Variants in PLEC observed in about 807,000 individuals in gnomAD.
PLEC encodes the protein hemidesmosomal protein 1.
Under a neutral mutation model 392.8 loss-of-function variants are expected in PLEC, and 216 were observed. That is an observed-to-expected ratio of 0.55 (90% CI 0.49 to 0.62). The LOEUF (loss-of-function observed/expected upper bound fraction) is 0.62, where lower values mean the gene tolerates loss of function less well. Ranked by LOEUF, PLEC falls within the 20% of genes least tolerant of loss-of-function variation. PLEC has a pLI of 0.00. For synonymous variants in PLEC, 3,621 were observed against 2,980.6 expected (o/e 1.21, Z -7.00); for missense variants, 6,863 against 6,563.4 (o/e 1.05, Z -1.58).
In PLEC at chr8:143,973,019, A is replaced by G. The variant is rs3935755; in HGVS notation, c.70+384T>C. ...TATGTGACCCATTGCCAGGCGGCGG[A>G]GCTGCCCCTGTTCCATGCAGACGCG... is the stretch of plus-strand genomic sequence containing the variant. On this transcript the variant is annotated intron_variant, in intron 1 of 31. Transcript: ENST00000356346. This position sits in a 1 kb window ranked among gnomAD's most constrained non-coding sequence, Gnocchi z 5.6. Among the ~76,000 whole-genome samples, 67,871 of 152,090 alleles carry G rather than the reference A, an allele frequency of 0.45. 16,378 individuals carry two copies. The highest frequency in any genetic ancestry group is 0.63 in the African/African-American group (26,230 of 41,510).
intron 1 of PLEC, among the ~76,000 whole-genome samples, chr8:143,963,004 G>A (rs1432939820): frequency 6.6e-6 from 1 of 152,154 alleles, no homozygotes; most frequent in East Asian, 1.9e-4. Context: ...CAGAGATGAG[G>A]TATGTGACTC....
chr8:143,939,189 T>G (rs1554726390), intron 1 of PLEC, among the ~76,000 whole-genome samples, 161 bp downstream of exon 1: 1 of 152,134 alleles, frequency 6.6e-6, no homozygotes, highest in Non-Finnish European at 1.5e-5. Context: ...CGCGGGCGCC[T>G]GTCGGCCCAC....
In PLEC at chr8:143,916,354, GGAGCCAGCGGTA is replaced by G. The variant is rs1234855589; in HGVS notation, c.13455_13466del (p.Thr4486_Ser4489del). On this transcript the variant is annotated inframe_deletion, in exon 32 of 32. Transcript: ENST00000345136. The stretch of plus-strand genomic sequence containing the variant: ...GGGAGCCGGTGCGCGAGCCGGTGCG[GGAGCCAGCGGTA>G]GAGCCGGAGCCGCTGACGCTGTAGG... The G allele has an allele frequency of 8.1e-6, 13 of 1,606,046 alleles. No homozygotes were observed. The highest frequency in any genetic ancestry group is 6.7e-5 in the African/African-American group (5 of 74,698).
Position 143,926,871 on chromosome 8 carries a change from C to A in PLEC, c.3957G>T (p.Leu1319=), listed in dbSNP as rs1554706139. 6.2e-7 allele frequency: 1 copy of A among 1,613,112 alleles called. No individual in the cohort carries two copies. The highest frequency in any genetic ancestry group is 1.7e-5 in the Admixed American group (1 of 60,030). ...SESVIQEYVD[L]RTHYSELTTL... is the part of the protein sequence containing the mutation. ...TGGTCAGCTCGCTGTAGTGCGTACG[C>A]AGGTCCACGTACTGTGGAGTAGAGC... The change falls in exon 30 of 32, where the codon CTG becomes CTT. Residue 1319 remains leucine (L), a synonymous_variant. Transcript: ENST00000345136.
chr8:143,920,188 C>G lies in PLEC; in HGVS notation c.9633G>C (p.Pro3211=). ...PDQLTGLSLL[P]LSEKAARARQ... is the part of the protein sequence containing the mutation. ...GGGCCCGAGCAGCCTTTTCTGAGAGCGGCAGCAGGCTCAGCCCGGTCAGCT... is the reference window on the plus strand; with the variant it reads ...GGGCCCGAGCAGCCTTTTCTGAGAGGGGCAGCAGGCTCAGCCCGGTCAGCT... Residue 3211 remains proline (P), a synonymous_variant, in exon 32 of 32, where the codon CCG becomes CCC. Coordinates refer to ENST00000345136, the MANE Select transcript of PLEC (RefSeq NM_201384.3). 6.2e-7 allele frequency: 1 copy of G among 1,611,228 alleles called. No homozygotes were observed. Among genetic ancestry groups the G allele is most frequent in the Non-Finnish European group, 8.5e-7 (1 of 1,179,828 alleles).
Position 143,918,725 on chromosome 8 carries a change from C to T in PLEC, c.11096G>A (p.Gly3699Asp), listed in dbSNP as rs1554676045. ...GTAGATGCTCAGTGTCTGCCTGGAA[C>T]CGGGCAGGTAGACACCAGCCACGGA... ...TGSVAGVYLP[G>D]SRQTLSIYQA... Residue 3699 changes from glycine (G) to aspartate (D), a missense_variant, in exon 32 of 32, where the codon GGT (glycine) becomes GAT (aspartate). Gly to Asp is a moderately conservative substitution (Grantham distance 94, BLOSUM62 -1). Coordinates refer to ENST00000345136, the MANE Select transcript of PLEC (RefSeq NM_201384.3). The T allele has an allele frequency of 6.2e-7, 1 of 1,613,020 alleles. No individual in the cohort carries two copies. The highest frequency in any genetic ancestry group is 1.6e-4 in the Middle Eastern group (1 of 6,062).
At chr8:143,942,922 G>C (rs1830778390), upstream of PLEC, among the ~76,000 whole-genome samples, 1 of 152,202 alleles carries the variant, frequency 6.6e-6, no homozygotes, top group African/African-American at 2.4e-5. Context: ...CCAGGGAGTA[G>C]AGGCATCCTG....
chr8:143,952,222 G>GCA (rs1554737437), upstream of PLEC, among the ~76,000 whole-genome samples: 29 of 120,890 alleles, frequency 2.4e-4, no homozygotes, highest in African/African-American at 9.1e-4. Context: ...GCGCACACAC[G>GCA]CACGCGCACG....
upstream of PLEC, chr8:143,973,546 G>T: frequency 8.8e-7 from 1 of 1,136,060 alleles, no homozygotes; most frequent in Non-Finnish European, 1.1e-6. This position sits in a 1 kb window ranked among gnomAD's most constrained non-coding sequence, Gnocchi z 5.6. Context: ...GCGGCCGCGC[G>T]CGCCGCTTAA....
upstream of PLEC, among the ~76,000 whole-genome samples, chr8:143,951,485 C>A (rs1397019226): frequency 6.6e-6 from 1 of 152,166 alleles, no homozygotes; most frequent in Non-Finnish European, 1.5e-5. Context: ...AGAGCCCCCA[C>A]CTCCACACAC....
At position 143,933,220 on chromosome 8, in the gene PLEC, C is replaced by G. The variant is rs199865222; in HGVS notation, c.1395G>C (p.Pro465=). Residue 465 remains proline (P), a synonymous_variant, in exon 13 of 32, where the codon CCG becomes CCC. Coordinates refer to ENST00000345136, the MANE Select transcript of PLEC (RefSeq NM_201384.3). Reference sequence around the variant, plus strand: ...ACCTGCGGTACATCTGCTCGCCCTGCGGGTGCCGTCCATCCTTGAGGGTCT... The same window carrying G: ...ACCTGCGGTACATCTGCTCGCCCTGGGGGTGCCGTCCATCCTTGAGGGTCT... ...DVQTLKDGRH[P]QGEQMYRRVY... is the part of the protein sequence containing the mutation. 227 of 1,612,824 alleles carry G rather than the reference C, an allele frequency of 1.4e-4. 3 individuals carry two copies. The East Asian group carries it at 3.9e-3, about 28-fold the overall frequency.
rs538251993 is a variant in PLEC at position 143,919,552 on chromosome 8, G to A, written c.10269C>T (p.His3423=). 18 of 1,609,164 alleles carry A rather than the reference G, an allele frequency of 1.1e-5. No homozygotes were observed. Among genetic ancestry groups the A allele is most frequent in the South Asian group, 4.4e-5 (4 of 91,018 alleles). ...CCTTCTCGGCAGACAGCAGCTGCTC[G>A]TGAAGCTCGGGGCCCACCACGCCCG... The part of the protein sequence containing the change: ...VKAGVVGPEL[H]EQLLSAEKAV... The change falls in exon 32 of 32, where the codon CAC becomes CAT. Residue 3423 remains histidine (H), a synonymous_variant. Coordinates refer to ENST00000345136, the MANE Select transcript of PLEC (RefSeq NM_201384.3).
chr8:143,943,683 G>C, upstream of PLEC: 5 of 1,192,624 alleles, frequency 4.2e-6, no homozygotes, highest in Non-Finnish European at 6.0e-6. Flanking sequence ...ATTCAGCTTG[G>C]AAACAGGAAG....
Position 143,934,358 on chromosome 8 carries a change from T to G in PLEC, c.1129A>C (p.Ile377Leu). The G allele has an allele frequency of 6.2e-7, 1 of 1,612,588 alleles. No individual in the cohort carries two copies. Among genetic ancestry groups the G allele is most frequent in the South Asian group, 1.1e-5 (1 of 91,086 alleles). The stretch of plus-strand genomic sequence containing the variant: ...CGGAGCTGCTTCTCCCGCTCCAGGA[T>G]GGCCACGTGCAGCTTGCCCCACTCC... ...EKEWGKLHVA[I>L]LEREKQLRSE... The change falls in exon 11 of 32, where the codon ATC becomes CTC. Residue 377 changes from isoleucine to leucine, a missense_variant. Ile to Leu is a conservative substitution (Grantham distance 5). Transcript: ENST00000345136.
At chr8:143,942,331 C>A, upstream of PLEC, 8 of 1,580,656 alleles carry the variant, frequency 5.1e-6, no homozygotes, top group Non-Finnish European at 6.9e-6. Flanking sequence ...AGAGACCCAG[C>A]CCCACTAGGT....
In PLEC at chr8:143,923,586, C is replaced by T. The variant is rs782713908; in HGVS notation, c.6343G>A (p.Glu2115Lys). ...TCCTCTGCCGACTGCTTCAGCCGCT[C>T]GGCCTCTTCCACCTGCCGCCGGGAC... is the stretch of plus-strand genomic sequence containing the variant. ...AQSRRQVEEA[E>K]RLKQSAEEQA... Residue 2115 changes from glutamate to lysine, a missense_variant, in exon 31 of 32, where the codon GAG becomes AAG. Transcript: ENST00000345136. 83 of 1,595,210 alleles carry T rather than the reference C, an allele frequency of 5.2e-5. 1 individual carries two copies. The Admixed American group carries it at 1.1e-3, about 22-fold the overall frequency.
chr8:143,923,582 C>A lies in PLEC; in HGVS notation c.6347G>T (p.Arg2116Leu), dbSNP rs369095717. The change falls in exon 31 of 32, where the codon CGG (arginine) becomes CTG (leucine). Residue 2116 changes from arginine to leucine, a missense_variant. Coordinates refer to ENST00000345136, the MANE Select transcript of PLEC (RefSeq NM_201384.3). ...CTGCTCCTCTGCCGACTGCTTCAGC[C>A]GCTCGGCCTCTTCCACCTGCCGCCG... ...QSRRQVEEAE[R>L]LKQSAEEQAQ... 6.3e-7 allele frequency: 1 copy of A among 1,595,646 alleles called. No individual in the cohort carries two copies. Among genetic ancestry groups the A allele is most frequent in the Admixed American group, 1.7e-5 (1 of 59,744 alleles).
rs200392288 is a variant in PLEC, at chr8:143,919,662, G to A, written c.10159C>T (p.Leu3387Phe). 3 of 1,594,678 alleles carry A rather than the reference G, an allele frequency of 1.9e-6. No individual in the cohort carries two copies. Among genetic ancestry groups the A allele is most frequent in the Admixed American group, 3.4e-5 (2 of 58,822 alleles). Residue 3387 changes from leucine (L) to phenylalanine (F), a missense_variant, in exon 32 of 32, where the codon CTC (leucine) becomes TTC (phenylalanine). Transcript: ENST00000345136. ...GTGGCCGCCTGCGCCTCCAGCAGGAGCGCAGCCGTTGTGGCTCTCAGCAGG... is the reference window on the plus strand; with the variant it reads ...GTGGCCGCCTGCGCCTCCAGCAGGAACGCAGCCGTTGTGGCTCTCAGCAGG... ...RGLLRATTAA[L>F]LLEAQAATGF...
rs782080176 is a variant in PLEC, at chr8:143,933,225, G to A, written c.1390C>T (p.His464Tyr). 6.2e-7 allele frequency: 1 copy of A among 1,612,892 alleles called. No individual in the cohort carries two copies. Among genetic ancestry groups the A allele is most frequent in the Non-Finnish European group, 8.5e-7 (1 of 1,179,948 alleles). ...CGGTACATCTGCTCGCCCTGCGGGT[G>A]CCGTCCATCCTTGAGGGTCTGCACG... is the stretch of plus-strand genomic sequence containing the variant. ...NDVQTLKDGR[H>Y]PQGEQMYRRV... The change falls in exon 13 of 32, where the codon CAC (histidine) becomes TAC (tyrosine). Residue 464 changes from histidine (H) to tyrosine (Y), a missense_variant. Transcript: ENST00000345136.
Sources: gnomAD v4.1 joint callset for allele counts (sites outside exome capture counted in the v4.1 genomes callset) on GRCh38, gnomAD v4.1.1 for gene constraint, Gnocchi (gnomAD v3.1) non-coding constraint, MANE v1.5 for transcripts, NCBI Gene and HGNC (gene_info 2026-07-23, HGNC 2026-07-21) for gene names.